The following RNF19A variants were observed in gnomAD, a reference collection of about 807,000 sequenced individuals.
The protein encoded by RNF19A is ring finger protein 19A, RBR E3 ubiquitin protein ligase.
Under a neutral mutation model 75.7 loss-of-function variants are expected in RNF19A, and 32 were observed. That is an observed-to-expected ratio of 0.42 (90% CI 0.32 to 0.57). The LOEUF (loss-of-function observed/expected upper bound fraction) is 0.57. Ranked by LOEUF, RNF19A falls within the 20% of genes least tolerant of loss-of-function variation. The pLI, the probability that RNF19A is intolerant of heterozygous loss-of-function variation, is 0.10. For synonymous variants in RNF19A, 335 were observed against 345.2 expected (o/e 0.97, Z 0.33); for missense variants, 782 against 1,036.3 (o/e 0.75, Z 3.37).
chr8:100,288,035 G>A lies in RNF19A; in HGVS notation c.140C>T (p.Ser47Phe). 1.2e-6 allele frequency: 2 copies of A among 1,614,188 alleles called. No individual in the cohort carries two copies. The highest frequency in any genetic ancestry group is 1.7e-6 in the Non-Finnish European group (2 of 1,180,028). Residue 47 changes from serine (S) to phenylalanine (F), a missense_variant, in exon 2 of 10, where the codon TCT becomes TTT. Ser to Phe is a radical substitution (Grantham distance 155, BLOSUM62 -2). Transcript: ENST00000341084. ...TGAAGGCAAGCTCACAGATGAAGCA[G>A]AGGACTGAAGATCTCGATCTGAACC... ...QMGSDRDLQS[S>F]ASSVSLPSVK...
At chr8:100,274,134 C>T (rs994434898) in intron 3 of RNF19A, among the ~76,000 whole-genome samples, 8 of 152,112 alleles carry the variant, frequency 5.3e-5, no homozygotes, top group Non-Finnish European at 7.4e-5. Flanking sequence ...GGATTGCTCA[C>T]GGAGTAAGTA....
intron 1 of RNF19A, among the ~76,000 whole-genome samples, chr8:100,292,459 T>G (rs1821351855): frequency 3.3e-5 from 5 of 152,020 alleles, no homozygotes; most frequent in African/African-American, 1.2e-4. Context: ...TGTGTGTGTG[T>G]GTGTGTGTGT....
chr8:100,309,795 CT>C lies in RNF19A; in HGVS notation c.-94+71del, dbSNP rs912718255. ...AGGGCTGCGGCCCGGCCAGAGCTCCCTGGGTCGTAAGCGAGAGCCGCCCCTT... is the reference window on the plus strand; with the variant it reads ...AGGGCTGCGGCCCGGCCAGAGCTCCCGGGTCGTAAGCGAGAGCCGCCCCTT... On this transcript the variant is annotated intron_variant, in intron 1 of 9. Coordinates refer to ENST00000341084, the MANE Select transcript of RNF19A (RefSeq NM_183419.4). The C allele has an allele frequency of 4.4e-5, 43 of 985,622 alleles. No individual in the cohort carries two copies. The African/African-American group carries it at 7.5e-4, about 17-fold the overall frequency. The allele number at this position is 985,622 out of a possible 1,614,324, so 61.1% of individuals were successfully genotyped here.
chr8:100,310,293 C>T (rs1371628291), upstream of RNF19A: 2 of 964,264 alleles, frequency 2.1e-6, no homozygotes, highest in African/African-American at 1.8e-5. Context: ...CAGGAGCCGC[C>T]CCGCTGCACC....
Position 100,279,935 on chromosome 8 carries a change from C to T in RNF19A, c.675-4774G>A, listed in dbSNP as rs992641974. ...TTGGCCTCCCAAAGTGCTGGGATTA[C>T]AGGTGTGAACCACCACTCCTGGCTT... On this transcript the variant is annotated intron_variant, in intron 2 of 9. Transcript: ENST00000341084. Among the ~76,000 whole-genome samples, 5 of 152,292 alleles carry T rather than the reference C, an allele frequency of 3.3e-5. No individual in the cohort carries two copies. In the East Asian group the frequency reaches 9.6e-4, roughly 29 times the overall value.
chr8:100,296,306 T>C (rs1266428938), intron 1 of RNF19A, among the ~76,000 whole-genome samples: 1 of 152,156 alleles, frequency 6.6e-6, no homozygotes, highest in Non-Finnish European at 1.5e-5. Flanking sequence ...GGTTTCACCA[T>C]GTTGGCCAGG....
intron 1 of RNF19A, among the ~76,000 whole-genome samples, chr8:100,335,954 A>G (rs1469876171): frequency 1.3e-5 from 2 of 152,214 alleles, no homozygotes; most frequent in Non-Finnish European, 2.9e-5. Flanking sequence ...CTATGAACCA[A>G]CGGGACAAGT....
chr8:100,318,798 A>G (rs980384265), intron 1 of RNF19A, among the ~76,000 whole-genome samples: 2 of 152,226 alleles, frequency 1.3e-5, no homozygotes, highest in Non-Finnish European at 2.9e-5. Context: ...GATAGCATGC[A>G]TGGTTTCACC....
In RNF19A at chr8:100,325,643, A is replaced by G. The variant is rs1301780986; in HGVS notation, c.-243+10465T>C. Among the ~76,000 whole-genome samples the G allele has an allele frequency of 2.0e-5, 3 of 152,142 alleles. No individual in the cohort carries two copies. The highest frequency in any genetic ancestry group is 7.2e-5 in the African/African-American group (3 of 41,434). On this transcript the variant is annotated intron_variant, in intron 1 of 3. Transcript: ENST00000519527. This position sits in a 1 kb window ranked among gnomAD's most constrained non-coding sequence, Gnocchi z 4.3. ...TTGCCATATCTTGGCCCCATCCCAC[A>G]GTAGGGAAGATTGAACACAACTTAA... is the stretch of plus-strand genomic sequence containing the variant.
At chr8:100,290,574 A>G (rs181289371) in intron 1 of RNF19A, among the ~76,000 whole-genome samples, 14 of 152,272 alleles carry the variant, frequency 9.2e-5, no homozygotes, top group African/African-American at 3.1e-4. Flanking sequence ...TCACTCAAAC[A>G]AACTTCACCT....
chr8:100,294,651 T>C (rs1197343636), intron 1 of RNF19A, among the ~76,000 whole-genome samples: 1 of 152,062 alleles, frequency 6.6e-6, no homozygotes, highest in South Asian at 2.1e-4. Flanking sequence ...CTACACTACA[T>C]AGACTTTTCT....
At chr8:100,290,315 T>C (rs1053266411) in intron 1 of RNF19A, among the ~76,000 whole-genome samples, 3 of 152,210 alleles carry the variant, frequency 2.0e-5, no homozygotes, top group African/African-American at 7.2e-5. Context: ...TTGGTCAGGC[T>C]GGCCTCGAAC....
chr8:100,261,333 G>A lies in RNF19A; in HGVS notation c.1682+209C>T, dbSNP rs1189406677. 6.6e-6 allele frequency among the ~76,000 whole-genome samples: 1 copy of A among 152,054 alleles called. No individual in the cohort carries two copies. The highest frequency in any genetic ancestry group is 1.5e-5 in the Non-Finnish European group (1 of 68,000). On this transcript the variant is annotated intron_variant, in intron 8 of 9. Transcript: ENST00000341084. This position sits in a 1 kb window ranked among gnomAD's most constrained non-coding sequence, Gnocchi z 4.4. ...GGCTGGTCTCGAACTCCTGAGCTCAGGCAATCCACCTGCTTTGGCTTCCCA... is the reference window on the plus strand; with the variant it reads ...GGCTGGTCTCGAACTCCTGAGCTCAAGCAATCCACCTGCTTTGGCTTCCCA...
intron 1 of RNF19A, among the ~76,000 whole-genome samples, chr8:100,297,283 G>A (rs1053103953): frequency 6.6e-6 from 1 of 152,116 alleles, no homozygotes; most frequent in African/African-American, 2.4e-5. Flanking sequence ...CCTTAGACGC[G>A]TGAGCACATA....
At chr8:100,294,590 G>C (rs1821465036) in intron 1 of RNF19A, among the ~76,000 whole-genome samples, 1 of 115,626 alleles carries the variant, frequency 8.6e-6, no homozygotes, top group Admixed American at 8.1e-5. Context: ...TCCATCCCCT[G>C]ATACTTCAAG....
intron 1 of RNF19A, 37 bp from the exon 2 acceptor site, chr8:100,288,304 A>G (rs1468126992): frequency 3.8e-5 from 45 of 1,187,058 alleles, no homozygotes; most frequent in Non-Finnish European, 4.8e-5. Context: ...AGATCATTTA[A>G]TTGTATTCTT....
upstream of RNF19A, chr8:100,310,072 G>A (rs1412172656): frequency 4.1e-6 from 4 of 985,408 alleles, no homozygotes; most frequent in East Asian, 3.4e-4. Context: ...CTCGACGGCT[G>A]CTCCCGGGAA....
In RNF19A at chr8:100,323,994, T is replaced by A. The variant is rs1406239689; in HGVS notation, c.-242-10622A>T. On this transcript the variant is annotated intron_variant, in intron 1 of 3. Coordinates refer to the RNF19A transcript ENST00000519527. This position sits in a 1 kb window ranked among gnomAD's most constrained non-coding sequence, Gnocchi z 4.6. ...TCTGTATTCAATTTCAAATTGTTTC[T>A]AAGGGTTTAGTATCCTGTGATAAAA... 1.3e-5 allele frequency among the ~76,000 whole-genome samples: 2 copies of A among 152,218 alleles called. No homozygotes were observed. Among genetic ancestry groups the A allele is most frequent in the Non-Finnish European group, 2.9e-5 (2 of 68,042 alleles).
At chr8:100,305,300 C>T (rs547295619) in intron 1 of RNF19A, among the ~76,000 whole-genome samples, 2 of 152,238 alleles carry the variant, frequency 1.3e-5, no homozygotes, top group South Asian at 2.1e-4. Context: ...ACTTTCAATC[C>T]AACTCAATAA....
Sources: gnomAD v4.1 joint callset for allele counts (sites outside exome capture counted in the v4.1 genomes callset) on GRCh38, gnomAD v4.1.1 for gene constraint, Gnocchi (gnomAD v3.1) non-coding constraint, MANE v1.5 for transcripts, NCBI Gene and HGNC (gene_info 2026-07-23, HGNC 2026-07-21) for gene names.